The following HS2ST1 variants were observed in gnomAD, a reference collection of about 807,000 sequenced individuals.
The protein encoded by HS2ST1 is 2-O-sulfotransferase.
In HS2ST1, 18 loss-of-function variants were observed where a neutral mutation model predicts 42.9. The observed-to-expected ratio is 0.42, with a 90% CI of 0.29 to 0.62. The LOEUF (loss-of-function observed/expected upper bound fraction) is 0.62, where lower values mean the gene tolerates loss of function less well. Ranked by LOEUF, HS2ST1 falls within the 20% of genes least tolerant of loss-of-function variation. HS2ST1 has a pLI of 0.21. For missense variants in HS2ST1, 334 were observed against 433.8 expected (o/e 0.77, Z 2.04); for synonymous variants, 146 against 152.9 (o/e 0.95, Z 0.33).
At chr1:87,059,983 C>A (rs1429945847) in intron 1 of HS2ST1, among the ~76,000 whole-genome samples, 2 of 152,054 alleles carry the variant, frequency 1.3e-5, no homozygotes, top group Admixed American at 1.3e-4. Flanking sequence ...ATATAGTAAC[C>A]CATAAATAAG....
At chr1:87,086,250 A>G (rs1314888555) in intron 3 of HS2ST1, among the ~76,000 whole-genome samples, 1 of 151,980 alleles carries the variant, frequency 6.6e-6, no homozygotes, top group Admixed American at 6.6e-5. Flanking sequence ...AAAATCGCAT[A>G]CTCAAGTCCC....
intron 1 of HS2ST1, chr1:87,045,088 T>G (rs1650614758): frequency 2.1e-6 from 2 of 969,470 alleles, no homozygotes; most frequent in Non-Finnish European, 3.3e-6. Flanking sequence ...GAATCAACTG[T>G]GAGAACATCA....
chr1:86,997,308 C>T (rs1208052146), intron 1 of HS2ST1, among the ~76,000 whole-genome samples: 2 of 152,076 alleles, frequency 1.3e-5, no homozygotes, highest in African/African-American at 4.8e-5. Flanking sequence ...AGGCCCAGGG[C>T]AGGATTTCTG....
In HS2ST1 at chr1:86,930,683, A is replaced by G. The variant is rs978779158; in HGVS notation, c.124+15523A>G. Among the ~76,000 whole-genome samples the G allele has an allele frequency of 3.3e-5, 5 of 152,014 alleles. No homozygotes were observed. The South Asian group carries it at 8.3e-4, about 25-fold the overall frequency. ...ATGTCATATGACACCATCCTCCCCT[A>G]TTCCTCCCACCCTGAGTTACCAGTT... On this transcript the variant is annotated intron_variant, in intron 1 of 6. Transcript: ENST00000370550.
chr1:87,073,482 C>A (rs1161042047), intron 2 of HS2ST1, among the ~76,000 whole-genome samples: 3 of 152,048 alleles, frequency 2.0e-5, no homozygotes, highest in African/African-American at 7.2e-5. Context: ...TGATACCCTG[C>A]AATAAAAATT....
At chr1:87,034,562 A>G (rs1650323711) in intron 1 of HS2ST1, among the ~76,000 whole-genome samples, 1 of 152,164 alleles carries the variant, frequency 6.6e-6, no homozygotes, top group Non-Finnish European at 1.5e-5. Flanking sequence ...CAAATATTGT[A>G]CTCTAGCTAG....
intron 2 of HS2ST1, among the ~76,000 whole-genome samples, chr1:87,075,094 C>A (rs1056430534): frequency 1.3e-5 from 2 of 149,174 alleles, no homozygotes; most frequent in Non-Finnish European, 1.5e-5. Context: ...TGAACCCCAT[C>A]TGATATAACA....
chr1:87,086,388 C>T (rs1651815914), intron 3 of HS2ST1, among the ~76,000 whole-genome samples: 1 of 152,100 alleles, frequency 6.6e-6, no homozygotes, highest in Non-Finnish European at 1.5e-5. Context: ...ACAGTTCAGA[C>T]TCGTGTTGTT....
At chr1:86,980,742 T>G (rs2102219767) in intron 1 of HS2ST1, among the ~76,000 whole-genome samples, 1 of 152,328 alleles carries the variant, frequency 6.6e-6, no homozygotes, top group South Asian at 2.1e-4. Context: ...GGAAGGTAGT[T>G]CTTATTTTTG....
intron 1 of HS2ST1, among the ~76,000 whole-genome samples, chr1:86,947,565 T>C (rs2102182313): frequency 6.6e-6 from 1 of 151,904 alleles, no homozygotes; most frequent in Admixed American, 6.6e-5. Flanking sequence ...GGACATACCC[T>C]GTTCCTTTGT....
At chr1:87,068,299 T>G (rs1651305865) in intron 1 of HS2ST1, among the ~76,000 whole-genome samples, 1 of 152,186 alleles carries the variant, frequency 6.6e-6, no homozygotes, top group South Asian at 2.1e-4. Context: ...TAAGCTGGAT[T>G]CCTAGGTATT....
intron 1 of HS2ST1, among the ~76,000 whole-genome samples, chr1:87,011,529 C>T (rs1336143377): frequency 2.0e-5 from 3 of 152,148 alleles, no homozygotes; most frequent in Non-Finnish European, 4.4e-5. Context: ...AGGCATGAGC[C>T]ACTGTGCCCA....
chr1:86,938,981 A>G (rs978036020), intron 1 of HS2ST1, among the ~76,000 whole-genome samples: 3 of 152,192 alleles, frequency 2.0e-5, no homozygotes, highest in Non-Finnish European at 2.9e-5. Context: ...CTGAATACTA[A>G]TTAGTACTTG....
intron 6 of HS2ST1, 70 bp from the exon 7 acceptor site, chr1:87,104,400 A>T: frequency 1.1e-6 from 1 of 926,146 alleles, no homozygotes; most frequent in Non-Finnish European, 1.7e-6. Context: ...CTTCAAATAA[A>T]GAGGCATTGA....
rs1350526495 is a variant in HS2ST1, at chr1:87,109,745, A to T, written c.*5049A>T. On this transcript the variant is annotated 3_prime_UTR_variant, in exon 7 of 7. Transcript: ENST00000370550. ...ATTTGGTTTGTACTTGCAGTGGCTG[A>T]ACAAAGAGCATGGCTTGAGAATCAA... 1 of 152,118 alleles carries T rather than the reference A, an allele frequency of 6.6e-6. No homozygotes were observed. The highest frequency in any genetic ancestry group is 1.5e-5 in the Non-Finnish European group (1 of 67,974). 9.4% of individuals were successfully genotyped at this position (152,118 alleles called of 1,614,324 possible). A position where few individuals can be genotyped will look rare whatever the true frequency, so the allele number is the denominator to read the frequency against.
chr1:87,030,220 T>C (rs114516109), intron 1 of HS2ST1, among the ~76,000 whole-genome samples: 83 of 152,258 alleles, frequency 5.5e-4, no homozygotes, highest in African/African-American at 1.9e-3. Context: ...TCATTTGGCT[T>C]TTATGTGCAC....
chr1:86,972,309 C>T (rs1648256227), intron 1 of HS2ST1, among the ~76,000 whole-genome samples: 1 of 151,988 alleles, frequency 6.6e-6, no homozygotes, highest in South Asian at 2.1e-4. Context: ...AGAGAGAGAA[C>T]ATTCACATGG....
Position 87,108,586 on chromosome 1 carries a change from C to T in HS2ST1, c.*3890C>T, listed in dbSNP as rs1448275655. On this transcript the variant is annotated 3_prime_UTR_variant, in exon 7 of 7. Coordinates refer to ENST00000370550, the MANE Select transcript of HS2ST1 (RefSeq NM_012262.4). ...AAGCAACCCTGTTTCAAATCCACTGCCAATTCAGCTCCTCTGGAGTGGAGC... is the reference window on the plus strand; with the variant it reads ...AAGCAACCCTGTTTCAAATCCACTGTCAATTCAGCTCCTCTGGAGTGGAGC... The T allele has an allele frequency of 6.6e-6, 1 of 152,100 alleles. No individual in the cohort carries two copies. The highest frequency in any genetic ancestry group is 2.4e-5 in the African/African-American group (1 of 41,440). The allele number at this position is 152,100 out of a possible 1,614,324, so 9.4% of individuals were successfully genotyped here.
intron 1 of HS2ST1, among the ~76,000 whole-genome samples, chr1:86,999,484 TTTC>T (rs559290485): frequency 9.3e-4 from 142 of 152,246 alleles, no homozygotes; most frequent in South Asian, 1.9e-3. Flanking sequence ...GGCCTTTTAT[TTTC>T]TTCTTAGTGG....
Sources: gnomAD v4.1 joint callset for allele counts (sites outside exome capture counted in the v4.1 genomes callset) on GRCh38, gnomAD v4.1.1 for gene constraint, MANE v1.5 for transcripts, NCBI Gene and HGNC (gene_info 2026-07-23, HGNC 2026-07-21) for gene names.